OSBPL10: variants seen among roughly 807,000 people sequenced by gnomAD.
The protein encoded by OSBPL10 is oxysterol binding protein like 10, also known as oxysterol-binding protein-related protein 10.
In OSBPL10, 49 loss-of-function variants were observed where a neutral mutation model predicts 81.7. That is an observed-to-expected ratio of 0.60 (90% CI 0.48 to 0.76). OSBPL10 has a LOEUF of 0.76. Ranked by LOEUF, OSBPL10 falls within the 30% of genes least tolerant of loss-of-function variation. The pLI, the probability that OSBPL10 is intolerant of heterozygous loss-of-function variation, is 0.00. For missense variants in OSBPL10, 923 were observed against 987.8 expected (o/e 0.93, Z 0.88); for synonymous variants, 419 against 383.6 (o/e 1.09, Z -1.08).
intron 3 of OSBPL10, among the ~76,000 whole-genome samples, chr3:31,873,117 A>C (rs1701372883): frequency 6.6e-6 from 1 of 151,390 alleles, no homozygotes; most frequent in Non-Finnish European, 1.5e-5. Flanking sequence ...TTGTGAGTAC[A>C]GTGGTGGTTA....
intron 4 of OSBPL10, among the ~76,000 whole-genome samples, chr3:31,807,805 G>A (rs1699560858): frequency 6.6e-6 from 1 of 152,034 alleles, no homozygotes; most frequent in African/African-American, 2.4e-5. Context: ...TGAAGGTAGA[G>A]GTAACAAGAC....
chr3:31,821,605 T>C (rs1699984092), intron 4 of OSBPL10, among the ~76,000 whole-genome samples: 1 of 152,204 alleles, frequency 6.6e-6, no homozygotes, highest in Admixed American at 6.5e-5. Context: ...TGAAAACCGA[T>C]GTTTGAAACT....
At chr3:31,937,242 C>T (rs1466473747) in intron 1 of OSBPL10, among the ~76,000 whole-genome samples, 2 of 151,528 alleles carry the variant, frequency 1.3e-5, no homozygotes, top group Admixed American at 1.3e-4. Context: ...CGAGATTGCG[C>T]CACTGCACCC....
chr3:31,928,906 A>G (rs1697158657), intron 1 of OSBPL10, among the ~76,000 whole-genome samples: 1 of 152,200 alleles, frequency 6.6e-6, no homozygotes, highest in African/African-American at 2.4e-5. Context: ...AAGTCAATCT[A>G]TTATTAGGTC....
At chr3:31,699,490 G>A (rs922882495) in intron 7 of OSBPL10, among the ~76,000 whole-genome samples, 1 of 152,210 alleles carries the variant, frequency 6.6e-6, no homozygotes, top group African/African-American at 2.4e-5. Context: ...TGGGGTTATG[G>A]TGCCACCCTG....
At chr3:31,804,501 G>A (rs1263790407) in intron 4 of OSBPL10, among the ~76,000 whole-genome samples, 1 of 152,150 alleles carries the variant, frequency 6.6e-6, no homozygotes, top group East Asian at 1.9e-4. Flanking sequence ...AAAGCAGAAT[G>A]TGATCTAACA....
At chr3:31,797,176 G>A (rs980200800) in intron 4 of OSBPL10, among the ~76,000 whole-genome samples, 2 of 151,790 alleles carry the variant, frequency 1.3e-5, no homozygotes, top group African/African-American at 4.8e-5. Context: ...TGTATCTTTA[G>A]TAGAGACGGG....
chr3:32,043,778 T>C (rs1357998229), intron 2 of OSBPL10, among the ~76,000 whole-genome samples: 2 of 152,218 alleles, frequency 1.3e-5, no homozygotes, highest in African/African-American at 2.4e-5. Flanking sequence ...TGGATGCAGC[T>C]GGAGGCCATT....
Position 31,871,247 on chromosome 3 carries a change from C to G in OSBPL10, c.537+5186G>C, listed in dbSNP as rs138893370. 7.4e-3 allele frequency among the ~76,000 whole-genome samples: 1,125 copies of G among 152,262 alleles called. 11 individuals are homozygous for G. Among genetic ancestry groups the G allele is most frequent in the Middle Eastern group, 0.02 (6 of 294 alleles). ...CTCACCCCTAAGATCTGCAGCTTCA[C>G]TCCTGAAGCCAGCGAGACCATGAGC... On this transcript the variant is annotated intron_variant, in intron 3 of 11. Transcript: ENST00000396556.
chr3:31,672,439 A>G, intron 8 of OSBPL10, among the ~76,000 whole-genome samples: 1 of 117,864 alleles, frequency 8.5e-6, no homozygotes, highest in Non-Finnish European at 1.7e-5. Flanking sequence ...AGAGAGAAGG[A>G]AGGGGGGTGG....
chr3:31,968,696 T>C (rs1471001491), intron 1 of OSBPL10, among the ~76,000 whole-genome samples: 4 of 152,238 alleles, frequency 2.6e-5, no homozygotes, highest in Non-Finnish European at 5.9e-5. Context: ...ACCATCTTCC[T>C]GAATTTTAGC....
chr3:31,876,894 C>G (rs1701487221), intron 2 of OSBPL10, among the ~76,000 whole-genome samples: 2 of 148,180 alleles, frequency 1.3e-5, no homozygotes, highest in Non-Finnish European at 1.5e-5. Context: ...ATATGAGTAT[C>G]AAATGGCACT....
chr3:31,775,456 G>C (rs1387196213), intron 4 of OSBPL10, among the ~76,000 whole-genome samples: 1 of 151,864 alleles, frequency 6.6e-6, no homozygotes, highest in East Asian at 1.9e-4. Flanking sequence ...AAGAAGGGAT[G>C]GTTAAGGAAG....
intron 7 of OSBPL10, among the ~76,000 whole-genome samples, chr3:31,690,316 C>T (rs1183649675): frequency 6.6e-6 from 1 of 151,864 alleles, no homozygotes; most frequent in Non-Finnish European, 1.5e-5. Context: ...GCTTCCCCTT[C>T]GCCTTCTGCC....
intron 3 of OSBPL10, among the ~76,000 whole-genome samples, chr3:31,869,828 A>C (rs955069899): frequency 1.3e-5 from 2 of 152,236 alleles, no homozygotes; most frequent in Admixed American, 1.3e-4. Context: ...GACCTCTGTG[A>C]AGAGTAACAC....
rs763008703 is a variant in OSBPL10 at position 31,683,598 on chromosome 3, T to A, written c.1726+36A>T. 5.0e-6 allele frequency: 8 copies of A among 1,591,446 alleles called. No homozygotes were observed. The African/African-American group carries it at 9.4e-5, about 19-fold the overall frequency. On this transcript the variant is annotated intron_variant, in intron 8 of 11. Coordinates refer to ENST00000396556, the MANE Select transcript of OSBPL10 (RefSeq NM_017784.5). The stretch of plus-strand genomic sequence containing the variant: ...TCTACCAGGTATAGAAACGTCACTG[T>A]GTAAGAGCCAAACTCCAACATACGA...
At chr3:31,777,938 C>A (rs540438567) in intron 4 of OSBPL10, among the ~76,000 whole-genome samples, 1 of 152,206 alleles carries the variant, frequency 6.6e-6, no homozygotes, top group Non-Finnish European at 1.5e-5. Flanking sequence ...CAGGTGGAAT[C>A]TGGGAAAGGT....
At chr3:31,673,951 A>G (rs972689460) in intron 8 of OSBPL10, among the ~76,000 whole-genome samples, 2 of 148,812 alleles carry the variant, frequency 1.3e-5, no homozygotes, top group African/African-American at 2.6e-5. Context: ...CAACTAATTG[A>G]AAAAAAAATT....
chr3:31,745,291 A>G (rs539659823), intron 5 of OSBPL10, among the ~76,000 whole-genome samples: 1 of 152,104 alleles, frequency 6.6e-6, no homozygotes, highest in Non-Finnish European at 1.5e-5. Flanking sequence ...TCCTTTTTTC[A>G]AAAGAAATAC....
Sources: allele counts gnomAD v4.1 joint callset (sites outside exome capture counted in the v4.1 genomes callset), GRCh38; gene constraint gnomAD v4.1.1; transcripts MANE v1.5; gene names NCBI Gene and HGNC (gene_info 2026-07-23, HGNC 2026-07-21).